The following ANKS1B variants were observed in gnomAD, a reference collection of about 807,000 sequenced individuals.
ANKS1B encodes ankyrin repeat and sterile alpha motif domain containing 1B, also known as ankyrin repeat and sterile alpha motif domain-containing protein 1B.
In ANKS1B, 36 loss-of-function variants were observed where a neutral mutation model predicts 148.3. The observed-to-expected ratio is 0.24, with a 90% CI of 0.19 to 0.32. The LOEUF (loss-of-function observed/expected upper bound fraction) is 0.32, where lower values mean the gene tolerates loss of function less well. ANKS1B is among the 10% of genes least tolerant of loss of function. The pLI, the probability that ANKS1B is intolerant of heterozygous loss-of-function variation, is 1.00. For missense variants in ANKS1B, 1,157 were observed against 1,542.6 expected (o/e 0.75, Z 4.19); for synonymous variants, 542 against 560.8 (o/e 0.97, Z 0.47).
At position 99,651,069 on chromosome 12, in the gene ANKS1B, C is replaced by A. The variant is rs1157762363; in HGVS notation, c.1272+3998G>T. Reference sequence around the variant, plus strand: ...TGAAATATAATTTATTCCAATCAAACAAATCTGGGGATATAAAATTTTACA... The same window carrying A: ...TGAAATATAATTTATTCCAATCAAAAAAATCTGGGGATATAAAATTTTACA... On this transcript the variant is annotated intron_variant, in intron 9 of 26. Transcript: ENST00000683438. Among the ~76,000 whole-genome samples the A allele has an allele frequency of 2.0e-5, 3 of 152,164 alleles. No homozygotes were observed. In the East Asian group the frequency reaches 5.8e-4, roughly 29 times the overall value.
At chr12:99,037,798 T>A (rs982427793) in intron 17 of ANKS1B, among the ~76,000 whole-genome samples, 6 of 152,312 alleles carry the variant, frequency 3.9e-5, no homozygotes, top group African/African-American at 1.4e-4. Context: ...ATAATTTACA[T>A]TCCTGCTGTG....
intron 15 of ANKS1B, among the ~76,000 whole-genome samples, chr12:99,152,067 A>G (rs942812080): frequency 1.3e-5 from 2 of 152,204 alleles, no homozygotes; most frequent in Non-Finnish European, 2.9e-5. Context: ...CATTAAAGAA[A>G]TATGTTTCTT....
chr12:98,786,668 C>T (rs1313097783), intron 22 of ANKS1B, among the ~76,000 whole-genome samples: 5 of 152,150 alleles, frequency 3.3e-5, no homozygotes, highest in African/African-American at 4.8e-5. Context: ...AAGACTTTTC[C>T]GAGCACGAAT....
chr12:99,272,495 C>T (rs1454804270), intron 12 of ANKS1B, among the ~76,000 whole-genome samples: 5 of 152,220 alleles, frequency 3.3e-5, no homozygotes, highest in South Asian at 4.1e-4. Flanking sequence ...AGACTTGAAG[C>T]GTCCAGGAGA....
chr12:99,234,986 G>A (rs999604026), intron 14 of ANKS1B, among the ~76,000 whole-genome samples: 1 of 152,162 alleles, frequency 6.6e-6, no homozygotes, highest in Non-Finnish European at 1.5e-5. Flanking sequence ...AGTGTGTGAT[G>A]AAGAGGTAAA....
chr12:99,645,857 A>C (rs1197691269), intron 9 of ANKS1B, among the ~76,000 whole-genome samples: 2 of 152,208 alleles, frequency 1.3e-5, no homozygotes, highest in Non-Finnish European at 2.9e-5. Context: ...CAAATGAAAG[A>C]GGTTCCACCG....
In ANKS1B at chr12:99,772,908, C is replaced by G. The variant is rs759124644; in HGVS notation, c.1128+14G>C. On this transcript the variant is annotated intron_variant, in intron 8 of 26. Coordinates refer to ENST00000683438, the MANE Select transcript of ANKS1B (RefSeq NM_001352186.2). ...GACAGACACATTATCTTCATTCCCC[C>G]CCGCCTTACTTACTACACTCTGGCT... 125 of 1,604,382 alleles carry G rather than the reference C, an allele frequency of 7.8e-5. 2 individuals carry two copies. In the South Asian group the frequency reaches 1.3e-3, roughly 17 times the overall value.
At chr12:98,915,453 G>C (rs777090194) in intron 17 of ANKS1B, among the ~76,000 whole-genome samples, 4 of 152,126 alleles carry the variant, frequency 2.6e-5, no homozygotes, top group Non-Finnish European at 5.9e-5. Context: ...CCAGGTTCAA[G>C]CGATCCTCCT....
chr12:99,217,787 C>T (rs1053241747), intron 14 of ANKS1B, among the ~76,000 whole-genome samples: 3 of 151,994 alleles, frequency 2.0e-5, no homozygotes, highest in African/African-American at 7.3e-5. Flanking sequence ...TGTAAGTGTC[C>T]CATTTTAGGG....
intron 16 of ANKS1B, among the ~76,000 whole-genome samples, chr12:99,071,974 G>A (rs1374802832): frequency 6.6e-6 from 1 of 152,146 alleles, no homozygotes; most frequent in Non-Finnish European, 1.5e-5. Context: ...GGAGGCATGA[G>A]TTATGACTTT....
intron 8 of ANKS1B, among the ~76,000 whole-genome samples, chr12:99,737,025 A>T (rs528671751): frequency 1.6e-4 from 24 of 152,282 alleles, no homozygotes; most frequent in African/African-American, 5.8e-4. Context: ...GACTATTATT[A>T]AAAAGACAAC....
chr12:99,771,382 G>A (rs1181698774), intron 8 of ANKS1B, among the ~76,000 whole-genome samples: 1 of 151,964 alleles, frequency 6.6e-6, no homozygotes, highest in Non-Finnish European at 1.5e-5. Flanking sequence ...AAAAAATTAG[G>A]GCTTTCAGAA....
chr12:98,809,754 C>T (rs1043586347), intron 19 of ANKS1B, among the ~76,000 whole-genome samples: 2 of 152,150 alleles, frequency 1.3e-5, no homozygotes, highest in Non-Finnish European at 2.9e-5. Flanking sequence ...TGAACGGACC[C>T]CCTTGTGGCC....
intron 17 of ANKS1B, among the ~76,000 whole-genome samples, chr12:98,965,435 G>T (rs1465179259): frequency 6.6e-6 from 1 of 152,144 alleles, no homozygotes; most frequent in Admixed American, 6.5e-5. Flanking sequence ...AAAGTCTGAT[G>T]CAAGCCATAT....
At chr12:99,844,300 A>G (rs2086255650) in intron 1 of ANKS1B, among the ~76,000 whole-genome samples, 1 of 152,190 alleles carries the variant, frequency 6.6e-6, no homozygotes, top group East Asian at 1.9e-4. Flanking sequence ...AATTTTCATC[A>G]TGAAGTCTTT....
chr12:99,151,126 A>G (rs2074755171), intron 15 of ANKS1B, among the ~76,000 whole-genome samples: 1 of 152,214 alleles, frequency 6.6e-6, no homozygotes, highest in African/African-American at 2.4e-5. Flanking sequence ...TACACAAAGG[A>G]AAAGTTGTTT....
intron 1 of ANKS1B, among the ~76,000 whole-genome samples, chr12:99,901,382 T>G (rs2093594643): frequency 6.6e-6 from 1 of 152,224 alleles, no homozygotes; most frequent in African/African-American, 2.4e-5. Flanking sequence ...GTCCCCACAA[T>G]TTCGTTTCAA....
At chr12:99,427,944 T>C (rs1485074726) in intron 11 of ANKS1B, among the ~76,000 whole-genome samples, 2 of 152,212 alleles carry the variant, frequency 1.3e-5, no homozygotes, top group African/African-American at 4.8e-5. Flanking sequence ...GATGATTGCA[T>C]GTTGGCATTG....
intron 9 of ANKS1B, among the ~76,000 whole-genome samples, chr12:99,592,535 TAGAG>T (rs1231602038): frequency 6.7e-6 from 1 of 150,100 alleles, no homozygotes; most frequent in Non-Finnish European, 1.5e-5. Context: ...GGCCAGAAAT[TAGAG>T]AGAAGCTTTT....
Sources: allele counts gnomAD v4.1 joint callset (sites outside exome capture counted in the v4.1 genomes callset), GRCh38; gene constraint gnomAD v4.1.1; transcripts MANE v1.5; gene names NCBI Gene and HGNC (gene_info 2026-07-23, HGNC 2026-07-21).